The following GRM7 variants were observed in gnomAD, a reference collection of about 807,000 sequenced individuals.
The protein encoded by GRM7 is glutamate metabotropic receptor 7, also known as metabotropic glutamate receptor 7.
Under a neutral mutation model 84.5 loss-of-function variants are expected in GRM7, and 35 were observed. That is an observed-to-expected ratio of 0.41 (90% CI 0.32 to 0.55). The LOEUF (loss-of-function observed/expected upper bound fraction) is 0.55. GRM7 is among the 20% of genes least tolerant of loss of function. The pLI, the probability that GRM7 is intolerant of heterozygous loss-of-function variation, is 0.19. For synonymous variants in GRM7, 487 were observed against 455.1 expected, an observed-to-expected ratio of 1.07 and a Z score of -0.89; for missense variants, 1,003 against 1,194.6, an observed-to-expected ratio of 0.84 and a Z score of 2.36.
chr3:6,943,949 G>T (rs892739086), intron 1 of GRM7, among the ~76,000 whole-genome samples: 2 of 151,988 alleles, frequency 1.3e-5, no homozygotes, highest in Admixed American at 1.3e-4. Context: ...TATAGGAAAT[G>T]ATATTTTTGA....
At chr3:7,278,830 A>G (rs746332611) in intron 2 of GRM7, among the ~76,000 whole-genome samples, 11 of 152,200 alleles carry the variant, frequency 7.2e-5, no homozygotes, top group Non-Finnish European at 1.5e-4. Flanking sequence ...CACTGAATGG[A>G]TAGATACAAA....
chr3:7,306,524 C>T lies in GRM7; in HGVS notation c.905C>T (p.Ala302Val), dbSNP rs765402575. 4 of 1,613,736 alleles carry T rather than the reference C, an allele frequency of 2.5e-6. No homozygotes were observed. The African/African-American group carries it at 5.3e-5, about 22-fold the overall frequency. ...CAGATCCTTGCAGCAGCCAAAAGAG[C>T]TGACCAAGTTGGCCATTTTCTTTGG... ...IKQILAAAKRADQVGHFLWVG... is the reference protein window; with the variant it reads ...IKQILAAAKRVDQVGHFLWVG... The change falls in exon 4 of 10, where the codon GCT (alanine) becomes GTT (valine). Residue 302 changes from alanine (A) to valine (V), a missense_variant. By Grantham distance (64) the Ala-to-Val change is moderately conservative. Transcript: ENST00000357716.
chr3:7,132,182 C>A (rs921179501), intron 1 of GRM7, among the ~76,000 whole-genome samples: 1 of 152,032 alleles, frequency 6.6e-6, no homozygotes, highest in Non-Finnish European at 1.5e-5. Context: ...GGTGCCCCCC[C>A]AACAATATGG....
chr3:7,443,086 C>T (rs1207831122), intron 5 of GRM7, among the ~76,000 whole-genome samples: 4 of 151,920 alleles, frequency 2.6e-5, no homozygotes, highest in Non-Finnish European at 5.9e-5. Flanking sequence ...CTGGTCTTCT[C>T]CCTCTTCTGT....
At chr3:7,455,711 C>G (rs1225342450) in intron 6 of GRM7, among the ~76,000 whole-genome samples, 1 of 152,080 alleles carries the variant, frequency 6.6e-6, no homozygotes, top group Non-Finnish European at 1.5e-5. Context: ...CAAGGAAGTA[C>G]TACTGTCAAA....
At chr3:7,352,397 A>G (rs765899497) in intron 4 of GRM7, among the ~76,000 whole-genome samples, 4 of 152,142 alleles carry the variant, frequency 2.6e-5, no homozygotes, top group Non-Finnish European at 5.9e-5. Context: ...GCATCACTGG[A>G]CAAAGTAATA....
intron 7 of GRM7, among the ~76,000 whole-genome samples, chr3:7,473,367 C>T (rs953228646): frequency 1.3e-5 from 2 of 152,012 alleles, no homozygotes; most frequent in African/African-American, 4.8e-5. Context: ...GTCCTAGCTA[C>T]TCAGGAGGCT....
At chr3:7,489,233 T>C (rs1238962948) in intron 7 of GRM7, among the ~76,000 whole-genome samples, 3 of 152,278 alleles carry the variant, frequency 2.0e-5, no homozygotes, top group East Asian at 1.9e-4. Flanking sequence ...GTATTTTCTC[T>C]TCTTTTTCAT....
At chr3:7,569,977 T>C (rs1208235809) in intron 7 of GRM7, among the ~76,000 whole-genome samples, 1 of 152,150 alleles carries the variant, frequency 6.6e-6, no homozygotes, top group Non-Finnish European at 1.5e-5. Context: ...GCCACAGTGG[T>C]GGCAGGCAAA....
chr3:7,181,682 C>T (rs1273041431), intron 2 of GRM7, among the ~76,000 whole-genome samples: 1 of 152,060 alleles, frequency 6.6e-6, no homozygotes, highest in Non-Finnish European at 1.5e-5. Context: ...GATCTTGGCT[C>T]ACTGCAGCCC....
Position 7,087,965 on chromosome 3 carries a change from C to T in GRM7, c.520-58487C>T, listed in dbSNP as rs139412201. Among the ~76,000 whole-genome samples, 770 of 152,250 alleles carry T rather than the reference C, an allele frequency of 5.1e-3. 7 individuals are homozygous for T. Among genetic ancestry groups the T allele is most frequent in the African/African-American group, 0.018 (732 of 41,544 alleles). ...GGAATAAACAAATAAGTTTAGCAGCCAGACAGGCCTGGGTTTTCTACTGCT... is the reference window on the plus strand; with the variant it reads ...GGAATAAACAAATAAGTTTAGCAGCTAGACAGGCCTGGGTTTTCTACTGCT... On this transcript the variant is annotated intron_variant, in intron 1 of 9. Transcript: ENST00000357716.
chr3:7,118,611 T>TA (rs139030304), intron 1 of GRM7, among the ~76,000 whole-genome samples: 33,369 of 148,794 alleles, frequency 0.22, 3,874 homozygotes, highest in Non-Finnish European at 0.26. Context: ...CAATTTCTGC[T>TA]AAAAAAAAAG....
chr3:7,239,003 C>CTTTTTTTT (rs1445171927), intron 2 of GRM7, among the ~76,000 whole-genome samples: 1 of 136,690 alleles, frequency 7.3e-6, no homozygotes, highest in Non-Finnish European at 1.5e-5. Context: ...TTTCCTTTTT[C>CTTTTTTTT]TTTTTTTTGA....
intron 1 of GRM7, among the ~76,000 whole-genome samples, chr3:6,960,521 A>T (rs73808495): frequency 0.056 from 8,586 of 152,182 alleles, 349 homozygotes; most frequent in East Asian, 0.21. Context: ...ACCACCAAAA[A>T]ATCCAAGCAT....
intron 2 of GRM7, among the ~76,000 whole-genome samples, chr3:7,219,372 C>A (rs920029046): frequency 6.6e-6 from 1 of 152,166 alleles, no homozygotes; most frequent in Non-Finnish European, 1.5e-5. Context: ...TTTAGTTAGT[C>A]ACCTATTAAT....
chr3:7,028,092 T>C (rs1171267023), intron 1 of GRM7, among the ~76,000 whole-genome samples: 1 of 152,102 alleles, frequency 6.6e-6, no homozygotes, highest in Non-Finnish European at 1.5e-5. Context: ...TTCAATAGAG[T>C]GGAAGCTCCA....
rs369122391 is a variant in GRM7, at chr3:7,234,831, G to A, written c.737-63853G>A. 2.2e-4 allele frequency among the ~76,000 whole-genome samples: 33 copies of A among 152,268 alleles called. No homozygotes were observed. The South Asian group carries it at 6.0e-3, about 28-fold the overall frequency. ...ATTTTCCAGAATATACTCTCCATTAGAGATTATGTTTTGCTTTACTTATTT... is the reference window on the plus strand; with the variant it reads ...ATTTTCCAGAATATACTCTCCATTAAAGATTATGTTTTGCTTTACTTATTT... On this transcript the variant is annotated intron_variant, in intron 2 of 9. Coordinates refer to ENST00000357716, the MANE Select transcript of GRM7 (RefSeq NM_000844.4).
rs540625021 is a variant in GRM7 at position 7,729,866 on chromosome 3, C to T, written c.2699-10491C>T. Among the ~76,000 whole-genome samples, 18 of 117,634 alleles carry T rather than the reference C, an allele frequency of 1.5e-4. No individual in the cohort carries two copies. In the South Asian group the frequency reaches 2.1e-3, roughly 14 times the overall value. The allele number at this position is 117,634 out of a possible 152,430, so 77.2% of individuals were successfully genotyped here. A position where few individuals can be genotyped will look rare whatever the true frequency, so the allele number is the denominator to read the frequency against. ...GATTACAGGTGCATGCCACCACCTC[C>T]GGCTTTTTTTTTTTTTTTTTTTTTT... On this transcript the variant is annotated intron_variant, in intron 9 of 9. Coordinates refer to ENST00000357716, the MANE Select transcript of GRM7 (RefSeq NM_000844.4).
At chr3:7,367,820 A>G (rs1341418579) in intron 4 of GRM7, among the ~76,000 whole-genome samples, 2 of 151,868 alleles carry the variant, frequency 1.3e-5, no homozygotes, top group Admixed American at 6.6e-5. Context: ...AACCATCTAG[A>G]CGGGGTCCTG....
Sources: allele counts gnomAD v4.1 joint callset (sites outside exome capture counted in the v4.1 genomes callset), GRCh38; gene constraint gnomAD v4.1.1; transcripts MANE v1.5; gene names NCBI Gene and HGNC (gene_info 2026-07-23, HGNC 2026-07-21).